The following SGCD variants were observed in gnomAD, a reference collection of about 807,000 sequenced individuals.
SGCD encodes the protein delta-sarcoglycan.
A neutral mutation model predicts 36.6 loss-of-function variants in SGCD; 18 were observed. That is an observed-to-expected ratio of 0.49 (90% CI 0.34 to 0.73). SGCD has a LOEUF of 0.73. Among genes scored for constraint, SGCD ranks in the 30% least tolerant of loss-of-function variants. The pLI, the probability that SGCD is intolerant of heterozygous loss-of-function variation, is 0.01. For missense variants in SGCD, 387 were observed against 346.7 expected (o/e 1.12, Z -0.92); for synonymous variants, 133 against 130.6 (o/e 1.02, Z -0.12).
chr5:156,367,181 A>G (rs1561648618), intron 3 of SGCD, among the ~76,000 whole-genome samples: 1 of 152,244 alleles, frequency 6.6e-6, no homozygotes, highest in Non-Finnish European at 1.5e-5. Flanking sequence ...TGAGAAACAC[A>G]TAAGATGTTT....
chr5:156,706,136 G>A (rs150544628), intron 7 of SGCD, among the ~76,000 whole-genome samples: 5 of 151,954 alleles, frequency 3.3e-5, no homozygotes, highest in Non-Finnish European at 5.9e-5. Context: ...ATCAATAGCA[G>A]GTACAAATTC....
At chr5:156,124,393 A>G (rs1762118923) in intron 3 of SGCD, among the ~76,000 whole-genome samples, 1 of 152,224 alleles carries the variant, frequency 6.6e-6, no homozygotes. Context: ...GGTGCTGTGT[A>G]ATACACTGTT....
At chr5:156,137,624 A>G (rs889227115) in intron 3 of SGCD, among the ~76,000 whole-genome samples, 2 of 152,054 alleles carry the variant, frequency 1.3e-5, no homozygotes, top group Non-Finnish European at 2.9e-5. Flanking sequence ...TTCTTGTGGT[A>G]TTTAACTTGA....
At chr5:156,436,343 A>G (rs985764574) in intron 3 of SGCD, among the ~76,000 whole-genome samples, 3 of 152,244 alleles carry the variant, frequency 2.0e-5, no homozygotes, top group South Asian at 4.1e-4. Flanking sequence ...CTCAAGATGT[A>G]TTTGTTGAAT....
the SGCD span, among the ~76,000 whole-genome samples, chr5:155,807,405 G>A: frequency 5.9e-5 from 9 of 152,364 alleles, no homozygotes; most frequent in South Asian, 1.0e-3. Context: ...TTCTAGAAAA[G>A]TAATTGGGAT....
chr5:156,446,770 T>C (rs1753771300), intron 3 of SGCD, among the ~76,000 whole-genome samples: 1 of 152,108 alleles, frequency 6.6e-6, no homozygotes, highest in Non-Finnish European at 1.5e-5. Flanking sequence ...TTCATGAGGA[T>C]GAGATAATAA....
intron 4 of SGCD, among the ~76,000 whole-genome samples, chr5:156,582,797 G>A (rs187118538): frequency 6.6e-6 from 1 of 152,190 alleles, no homozygotes. Context: ...GCACACAGGT[G>A]CATGCATGCA....
At position 156,497,000 on chromosome 5, in the gene SGCD, G is replaced by A. The variant is rs547616864; in HGVS notation, c.193-11601G>A. Reference sequence around the variant, plus strand: ...GTCTGATTTAATCCTCAATTTAGAAGTTAGAATTGTCTTGACTACGTAAAT... The same window carrying A: ...GTCTGATTTAATCCTCAATTTAGAAATTAGAATTGTCTTGACTACGTAAAT... On this transcript the variant is annotated intron_variant, in intron 3 of 8. Coordinates refer to ENST00000337851, the MANE Select transcript of SGCD (RefSeq NM_000337.6). 1.7e-4 allele frequency among the ~76,000 whole-genome samples: 26 copies of A among 152,264 alleles called. No individual in the cohort carries two copies. In the South Asian group the frequency reaches 2.7e-3, roughly 16 times the overall value.
intron 3 of SGCD, among the ~76,000 whole-genome samples, chr5:156,316,537 C>T (rs904368160): frequency 6.6e-6 from 1 of 151,862 alleles, no homozygotes; most frequent in Non-Finnish European, 1.5e-5. Flanking sequence ...GCAGCACACT[C>T]CCTGATTTCA....
At chr5:156,233,261 G>C (rs138959302) in intron 3 of SGCD, among the ~76,000 whole-genome samples, 7 of 152,352 alleles carry the variant, frequency 4.6e-5, no homozygotes, top group South Asian at 2.1e-4. Context: ...AATTATTTGT[G>C]TAATGCCTTT....
intron 1 of SGCD, among the ~76,000 whole-genome samples, chr5:155,906,161 CG>C (rs967790495): frequency 1.3e-5 from 2 of 151,972 alleles, no homozygotes; most frequent in African/African-American, 4.8e-5. Flanking sequence ...TAAGTGTTTT[CG>C]GGTACCATAA....
intron 6 of SGCD, among the ~76,000 whole-genome samples, chr5:156,637,208 A>G (rs1306379240): frequency 6.6e-6 from 1 of 152,066 alleles, no homozygotes; most frequent in Non-Finnish European, 1.5e-5. Context: ...GTGAAGAAGG[A>G]CATATTTGCA....
At chr5:156,698,811 C>T (rs1171739848) in intron 7 of SGCD, among the ~76,000 whole-genome samples, 1 of 148,286 alleles carries the variant, frequency 6.7e-6, no homozygotes, top group South Asian at 2.1e-4. Context: ...TAATATCCGG[C>T]TTATTATATT....
intron 4 of SGCD, among the ~76,000 whole-genome samples, chr5:156,560,281 C>T (rs1006157103): frequency 6.6e-6 from 1 of 152,136 alleles, no homozygotes; most frequent in Non-Finnish European, 1.5e-5. Context: ...TGCACCCTCC[C>T]GCAAGTTCTC....
chr5:155,951,304 G>A (rs1757543147), intron 1 of SGCD, among the ~76,000 whole-genome samples: 1 of 152,032 alleles, frequency 6.6e-6, no homozygotes, highest in African/African-American at 2.4e-5. Context: ...AGACTGAGTG[G>A]ACAAATCATG....
intron 7 of SGCD, among the ~76,000 whole-genome samples, chr5:156,692,321 A>G (rs1467493965): frequency 6.6e-6 from 1 of 152,158 alleles, no homozygotes; most frequent in Non-Finnish European, 1.5e-5. Flanking sequence ...GTGATTGACT[A>G]TTAATGTCTG....
At chr5:156,239,063 T>C (rs1026492758) in intron 3 of SGCD, among the ~76,000 whole-genome samples, 5 of 152,078 alleles carry the variant, frequency 3.3e-5, no homozygotes, top group Admixed American at 6.5e-5. Context: ...ATTTTCACTT[T>C]GGGTCTGGGT....
the SGCD span, among the ~76,000 whole-genome samples, chr5:155,832,802 T>C: frequency 9.3e-5 from 14 of 150,416 alleles, 1 homozygote; most frequent in Non-Finnish European, 2.1e-4. Flanking sequence ...GAATAGCATT[T>C]TAAATTTTAA....
chr5:156,084,063 T>G (rs1312145422), intron 1 of SGCD, among the ~76,000 whole-genome samples: 1 of 152,200 alleles, frequency 6.6e-6, no homozygotes. Context: ...TTGTAAAGAT[T>G]GCTTCAAATA....
Sources: allele counts gnomAD v4.1 joint callset (sites outside exome capture counted in the v4.1 genomes callset), GRCh38; gene constraint gnomAD v4.1.1; transcripts MANE v1.5; gene names NCBI Gene and HGNC (gene_info 2026-07-23, HGNC 2026-07-21).